ZNF264: variants seen among roughly 807,000 people sequenced by gnomAD.
ZNF264 encodes zinc finger protein 264.
ZNF264 carries 11 observed loss-of-function variants against 11.2 expected under a neutral mutation model. The observed-to-expected ratio is 0.98, with a 90% confidence interval of 0.62 to 1.63. The LOEUF is 1.63. Among genes scored for constraint, ZNF264 ranks in the 40% most tolerant of loss-of-function variants. The pLI is 0.00. For synonymous variants in ZNF264, 309 were observed against 279.8 expected (o/e 1.10, Z -1.04); for missense variants, 752 against 768.1 (o/e 0.98, Z 0.25).
At chr19:57,201,715 G>A (rs2087254855) in intron 2 of ZNF264, among the ~76,000 whole-genome samples, 1 of 151,890 alleles carries the variant, frequency 6.6e-6, no homozygotes, top group African/African-American at 2.4e-5. Context: ...AAGGATCTGA[G>A]GAGCACTCCT....
chr19:57,209,125 C>G (rs1430106506), intron 3 of ZNF264, among the ~76,000 whole-genome samples: 1 of 151,974 alleles, frequency 6.6e-6, no homozygotes, highest in Non-Finnish European at 1.5e-5. Flanking sequence ...ATTTTGTTCT[C>G]TTACTCTCTT....
At chr19:57,198,933 G>T (rs1446473105) in intron 2 of ZNF264, among the ~76,000 whole-genome samples, 1 of 151,880 alleles carries the variant, frequency 6.6e-6, no homozygotes, top group Non-Finnish European at 1.5e-5. Flanking sequence ...AAATTGAAGG[G>T]CCATGATTCT....
chr19:57,191,641 CCG>C lies in ZNF264; in HGVS notation c.-272_-271del, dbSNP rs1449816837. Reference sequence around the variant, plus strand: ...CACCTTTGTACGAGCCTGACCCCTTCCGTGGGTTTGTTCCTGGGTCGCCGTCA... The same window carrying C: ...CACCTTTGTACGAGCCTGACCCCTTCTGGGTTTGTTCCTGGGTCGCCGTCA... On this transcript the variant is annotated 5_prime_UTR_variant, in exon 1 of 4. Transcript: ENST00000263095. The C allele has an allele frequency of 5.2e-6, 2 of 385,148 alleles. No homozygotes were observed. Among genetic ancestry groups the C allele is most frequent in the Non-Finnish European group, 4.6e-6 (1 of 217,196 alleles). 23.9% of individuals were successfully genotyped at this position (385,148 alleles called of 1,614,324 possible).
intron 2 of ZNF264, among the ~76,000 whole-genome samples, chr19:57,199,926 G>A (rs891911613): frequency 4.0e-5 from 6 of 151,598 alleles, no homozygotes; most frequent in African/African-American, 1.5e-4. Flanking sequence ...GGCAGCATGG[G>A]TCGGGGAGAG....
rs565284008 is a variant in ZNF264 at position 57,218,975 on chromosome 19, C to T, written c.*5994C>T. On this transcript the variant is annotated 3_prime_UTR_variant, in exon 4 of 4. Transcript: ENST00000263095. ...AAACTATCTGGGGGAATAGAAAGCC[C>T]ACAGTCTTCTGAGTTGTGCTACACC... The T allele has an allele frequency of 6.6e-6, 1 of 152,182 alleles. No homozygotes were observed. Among genetic ancestry groups the T allele is most frequent in the Admixed American group, 6.5e-5 (1 of 15,276 alleles). The allele number at this position is 152,182 out of a possible 1,614,324, so 9.4% of individuals were successfully genotyped here.
At position 57,191,663 on chromosome 19, in the gene ZNF264, C is replaced by T. The variant is rs1258685929; in HGVS notation, c.-251C>T. 1.3e-5 allele frequency: 5 copies of T among 392,424 alleles called. No individual in the cohort carries two copies. The highest frequency in any genetic ancestry group is 2.1e-5 in the African/African-American group (1 of 48,134). The allele number at this position is 392,424 out of a possible 1,614,324, so 24.3% of individuals were successfully genotyped here. A position where few individuals can be genotyped will look rare whatever the true frequency, so the allele number is the denominator to read the frequency against. On this transcript the variant is annotated 5_prime_UTR_variant, in exon 1 of 4. Coordinates refer to ENST00000263095, the MANE Select transcript of ZNF264 (RefSeq NM_003417.5). ...CTTCCGTGGGTTTGTTCCTGGGTCG[C>T]CGTCAAGCTGCGGTCTCTCCTCCCC...
intron 3 of ZNF264, among the ~76,000 whole-genome samples, chr19:57,207,370 C>G (rs1457773760): frequency 6.6e-6 from 1 of 152,060 alleles, no homozygotes; most frequent in Non-Finnish European, 1.5e-5. Flanking sequence ...CTTACATGTT[C>G]ATCTCAACTT....
In ZNF264 at chr19:57,196,406, A is replaced by G. The variant is rs921675788; in HGVS notation, c.160+2405A>G. Among the ~76,000 whole-genome samples, 45 of 151,992 alleles carry G rather than the reference A, an allele frequency of 3.0e-4. 3 individuals carry two copies. The highest frequency in any genetic ancestry group is 1.1e-3 in the African/African-American group (45 of 41,234). On this transcript the variant is annotated intron_variant, in intron 2 of 3. Transcript: ENST00000263095. ...GCCCTTTCCATGATGGAAGAGGTCC[A>G]ATATAATCAACCTGCCGCCAGGTAG...
chr19:57,196,422 C>T (rs187005050), intron 2 of ZNF264, among the ~76,000 whole-genome samples: 122 of 152,038 alleles, frequency 8.0e-4, no homozygotes, highest in Non-Finnish European at 1.6e-3. Context: ...ATCAACCTGC[C>T]GCCAGGTAGC....
Position 57,212,612 on chromosome 19 carries a change from T to C in ZNF264, c.1515T>C (p.His505=). Residue 505 remains histidine, a synonymous_variant, in exon 4 of 4, where the codon CAT becomes CAC. Transcript: ENST00000263095. ...MSGLTRHKRI[H]SGEKPYECVE... is the part of the protein sequence containing the mutation. ...GCCTCACGAGGCACAAGCGGATTCA[T>C]AGTGGAGAGAAGCCCTATGAATGTG... The C allele has an allele frequency of 6.2e-7, 1 of 1,613,852 alleles. No individual in the cohort carries two copies. The highest frequency in any genetic ancestry group is 8.5e-7 in the Non-Finnish European group (1 of 1,179,942).
Position 57,212,679 on chromosome 19 carries a change from C to T in ZNF264, c.1582C>T (p.Arg528Ter), listed in dbSNP as rs751802283. The T allele has an allele frequency of 5.6e-6, 9 of 1,613,738 alleles. No homozygotes were observed. The highest frequency in any genetic ancestry group is 3.3e-5 in the Admixed American group (2 of 59,986). Residue 528 changes from arginine to a stop codon, truncating the protein, a stop_gained, in exon 4 of 4, where the codon CGA becomes TGA. Transcript: ENST00000263095. LOFTEE classifies it low-confidence loss of function (END_TRUNC). ...KSFCWSTNLI[R>*]HAIIHTGEKP... ...GTTTTGCTGGAGCACAAACCTCATT[C>T]GACATGCCATTATCCACACTGGAGA...
Position 57,212,995 on chromosome 19 carries a change from T to G in ZNF264, c.*14T>G. On this transcript the variant is annotated 3_prime_UTR_variant, in exon 4 of 4. Coordinates refer to ENST00000263095, the MANE Select transcript of ZNF264 (RefSeq NM_003417.5). ...TCTTCACTGTGAGAAAACCTTCTGT[T>G]GCTGAATATTACTTGTCATCTGAAG... 2 of 1,594,380 alleles carry G rather than the reference T, an allele frequency of 1.3e-6. No homozygotes were observed. Among genetic ancestry groups the G allele is most frequent in the South Asian group, 2.2e-5 (2 of 89,038 alleles).
At chr19:57,192,794 C>T (rs2087184316) in intron 1 of ZNF264, among the ~76,000 whole-genome samples, 1 of 152,072 alleles carries the variant, frequency 6.6e-6, no homozygotes, top group Non-Finnish European at 1.5e-5. Flanking sequence ...TACAGTGGTG[C>T]ACTCTCAGCT....
intron 2 of ZNF264, among the ~76,000 whole-genome samples, chr19:57,200,366 G>A (rs1188369477): frequency 6.6e-6 from 1 of 151,148 alleles, no homozygotes; most frequent in Non-Finnish European, 1.5e-5. Context: ...AGCGCTTTGG[G>A]AGGCCAAGAT....
rs749777363 is a variant in ZNF264, at chr19:57,191,954, G to A, written c.33+8G>A. ...CTGACGGACCGGGCCCAGGTGAGTG[G>A]ACGGTGGCTTCGCGGTTGCCGCTTC... On this transcript the variant is annotated splice_region_variant and intron_variant, in intron 1 of 3. Coordinates refer to ENST00000263095, the MANE Select transcript of ZNF264 (RefSeq NM_003417.5). The A allele has an allele frequency of 1.3e-6, 2 of 1,537,152 alleles. No individual in the cohort carries two copies. Among genetic ancestry groups the A allele is most frequent in the Non-Finnish European group, 1.8e-6 (2 of 1,140,424 alleles).
intron 2 of ZNF264, among the ~76,000 whole-genome samples, chr19:57,204,988 G>A (rs539358169): frequency 2.6e-5 from 4 of 152,110 alleles, no homozygotes; most frequent in Non-Finnish European, 5.9e-5. Flanking sequence ...TGTTGATCAC[G>A]ATGTGGACTT....
At chr19:57,203,925 G>A (rs1177787984) in intron 2 of ZNF264, among the ~76,000 whole-genome samples, 3 of 151,986 alleles carry the variant, frequency 2.0e-5, no homozygotes, top group East Asian at 3.9e-4. Context: ...GGTTGCTTAC[G>A]CCTGTAATCC....
chr19:57,197,028 C>G (rs763058680), intron 2 of ZNF264, among the ~76,000 whole-genome samples: 6 of 151,970 alleles, frequency 3.9e-5, no homozygotes, highest in Non-Finnish European at 5.9e-5. Flanking sequence ...CAGCTATCCA[C>G]TTTCAGGTGG....
rs1416169061 is a variant in ZNF264, at chr19:57,214,846, A to T, written c.*1865A>T. On this transcript the variant is annotated 3_prime_UTR_variant, in exon 4 of 4. Coordinates refer to ENST00000263095, the MANE Select transcript of ZNF264 (RefSeq NM_003417.5). ...TTTCCTTCTACATCCTATTGATGGA[A>T]TGTATTGCTTTGATCAAGTTTTGAA... The T allele has an allele frequency of 6.6e-6, 1 of 152,130 alleles. No homozygotes were observed. Among genetic ancestry groups the T allele is most frequent in the African/African-American group, 2.4e-5 (1 of 41,420 alleles). The allele number at this position is 152,130 out of a possible 1,614,324, so 9.4% of individuals were successfully genotyped here.
Sources: allele counts gnomAD v4.1 joint callset (sites outside exome capture counted in the v4.1 genomes callset), GRCh38; gene constraint gnomAD v4.1.1; transcripts MANE v1.5; gene names NCBI Gene and HGNC (gene_info 2026-07-23, HGNC 2026-07-21).